Variants in GRAMD2A observed in about 807,000 individuals in gnomAD.
GRAMD2A encodes the protein GRAM domain-containing protein 2A.
GRAMD2A carries 37 observed loss-of-function variants against 51.1 expected under a neutral mutation model. The observed-to-expected ratio is 0.72, with a 90% confidence interval of 0.56 to 0.95. The LOEUF is 0.95. Among genes scored for constraint, GRAMD2A ranks in the 40% least tolerant of loss-of-function variants. The pLI is 0.00. For synonymous variants in GRAMD2A, 136 were observed against 157.1 expected, an observed-to-expected ratio of 0.87 and a Z score of 1.01; for missense variants, 414 against 426.9, an observed-to-expected ratio of 0.97 and a Z score of 0.27.
chr15:72,169,201 G>A, intron 2 of GRAMD2A: 2 of 601,938 alleles, frequency 3.3e-6, no homozygotes, highest in South Asian at 3.8e-5. Context: ...GGGCACTGCG[G>A]GAGGTAGAGA....
chr15:72,171,038 T>C lies in GRAMD2A; in HGVS notation c.42-1099A>G, dbSNP rs907361422. Among the ~76,000 whole-genome samples, 6 of 152,266 alleles carry C rather than the reference T, an allele frequency of 3.9e-5. No homozygotes were observed. In the South Asian group the frequency reaches 1.0e-3, roughly 26 times the overall value. On this transcript the variant is annotated intron_variant, in intron 1 of 11. Transcript: ENST00000309731. Reference sequence around the variant, plus strand: ...CATACCATTGTACAGATTATGAAACTGAGACCTGCCAAGGGACAGGCTGTG... The same window carrying C: ...CATACCATTGTACAGATTATGAAACCGAGACCTGCCAAGGGACAGGCTGTG...
At chr15:72,169,664 C>T in intron 2 of GRAMD2A, 183 bp downstream of exon 2, 2 of 698,292 alleles carry the variant, frequency 2.9e-6, no homozygotes, top group Non-Finnish European at 5.2e-6. Context: ...TCTGCTAGGT[C>T]CCAGTGCACT....
chr15:72,169,592 G>A, intron 2 of GRAMD2A: 1 of 674,788 alleles, frequency 1.5e-6, no homozygotes, highest in Non-Finnish European at 2.7e-6. Context: ...CCTTTGCCTT[G>A]GCCAGGTTGG....
At chr15:72,197,695 A>C in intron 1 of GRAMD2A, 36 bp downstream of exon 1, 1 of 1,276,744 alleles carries the variant, frequency 7.8e-7, no homozygotes, top group Non-Finnish European at 9.9e-7. Context: ...GGCCTCCGGA[A>C]CCCCCGAGAC....
intron 1 of GRAMD2A, among the ~76,000 whole-genome samples, chr15:72,183,647 T>C (rs936978083): frequency 2.6e-5 from 4 of 152,002 alleles, no homozygotes; most frequent in Non-Finnish European, 4.4e-5. Flanking sequence ...CTGGCCAACA[T>C]GGTGAAATCC....
Position 72,169,892 on chromosome 15 carries a change from G to A in GRAMD2A, c.89C>T (p.Ser30Phe). ...AACTCTGTCTGGTTTCTCTTTGCAG[G>A]ACACAGGACTGTTCAGAGAAGCTGT... is the stretch of plus-strand genomic sequence containing the variant. ...RKTASLNSPV[S>F]CKEKPDRVEE... The change falls in exon 2 of 12, where the codon TCC (serine) becomes TTC (phenylalanine). Residue 30 changes from serine (S) to phenylalanine (F), a missense_variant. Transcript: ENST00000309731. 6.2e-7 allele frequency: 1 copy of A among 1,614,196 alleles called. No individual in the cohort carries two copies. Among genetic ancestry groups the A allele is most frequent in the Non-Finnish European group, 8.5e-7 (1 of 1,180,026 alleles).
rs2081588922 is a variant in GRAMD2A at position 72,169,704 on chromosome 15, G to A, written c.134+143C>T. 3 of 713,414 alleles carry A rather than the reference G, an allele frequency of 4.2e-6. No homozygotes were observed. The South Asian group carries it at 4.5e-5, about 11-fold the overall frequency. The allele number at this position is 713,414 out of a possible 1,614,324, so 44.2% of individuals were successfully genotyped here. A position where few individuals can be genotyped will look rare whatever the true frequency, so the allele number is the denominator to read the frequency against. On this transcript the variant is annotated intron_variant, in intron 2 of 11. Transcript: ENST00000309731. The stretch of plus-strand genomic sequence containing the variant: ...CAGTCTTGAGGGGCGGGAGGAAGAA[G>A]CCTGGGGCAGCCTGTGCCTGACCTC...
At chr15:72,168,703 G>T in intron 3 of GRAMD2A, 137 bp from the exon 4 acceptor site, 1 of 786,346 alleles carries the variant, frequency 1.3e-6, no homozygotes. Flanking sequence ...TAAGCAGCCA[G>T]TGAGTATGGA....
At chr15:72,175,112 C>T (rs1393328880) in intron 1 of GRAMD2A, among the ~76,000 whole-genome samples, 2 of 152,046 alleles carry the variant, frequency 1.3e-5, no homozygotes, top group Non-Finnish European at 2.9e-5. Context: ...CCACAGTTAC[C>T]CAGGCCAGAA....
chr15:72,179,195 G>A (rs2081678708), intron 1 of GRAMD2A, among the ~76,000 whole-genome samples: 1 of 152,248 alleles, frequency 6.6e-6, no homozygotes, highest in Non-Finnish European at 1.5e-5. Context: ...GGGGGATGTG[G>A]AGGGCCAGAG....
At chr15:72,168,394 T>C (rs2081571507) in intron 4 of GRAMD2A, 97 bp downstream of exon 4, 2 of 844,008 alleles carry the variant, frequency 2.4e-6, no homozygotes, top group Middle Eastern at 3.2e-4. Context: ...GGACAGCCAG[T>C]TCCCATTTCT....
rs572855119 is a variant in GRAMD2A, at chr15:72,162,398, G to A, written c.957-21C>T. On this transcript the variant is annotated intron_variant, in intron 10 of 11. Coordinates refer to ENST00000309731, the MANE Select transcript of GRAMD2A (RefSeq NM_001012642.3). ...AGATCCTGAAGAAAGCGGCAATACG[G>A]AGTTAAATATTTCTTCCACAGAAAG... The A allele has an allele frequency of 7.2e-6, 11 of 1,536,834 alleles. No homozygotes were observed. The African/African-American group carries it at 1.2e-4, about 17-fold the overall frequency.
intron 1 of GRAMD2A, among the ~76,000 whole-genome samples, chr15:72,187,261 A>G (rs955872040): frequency 6.6e-6 from 1 of 151,976 alleles, no homozygotes; most frequent in Non-Finnish European, 1.5e-5. Context: ...TCATGACTAC[A>G]TCCAGGAGAA....
intron 1 of GRAMD2A, among the ~76,000 whole-genome samples, chr15:72,191,427 T>G (rs2081767077): frequency 6.6e-6 from 1 of 152,164 alleles, no homozygotes; most frequent in Non-Finnish European, 1.5e-5. Flanking sequence ...GGTCTCAAAC[T>G]CCTGACCTCA....
intron 8 of GRAMD2A, 74 bp from the exon 9 acceptor site, chr15:72,163,831 T>C: frequency 6.7e-7 from 1 of 1,482,224 alleles, no homozygotes; most frequent in Non-Finnish European, 9.1e-7. Flanking sequence ...CCACACCAGG[T>C]TTATCAGAGT....
chr15:72,197,597 G>T, intron 1 of GRAMD2A, 134 bp downstream of exon 1: 1 of 662,036 alleles, frequency 1.5e-6, no homozygotes, highest in South Asian at 6.9e-5. Context: ...TCCGGCGGCC[G>T]GGAAGTGCCT....
At position 72,160,236 on chromosome 15, in the gene GRAMD2A, C is replaced by CTCTG. The variant is rs1348280834; in HGVS notation, c.*1769_*1772dup. The CTCTG allele has an allele frequency of 6.6e-6, 1 of 150,844 alleles. No homozygotes were observed. Among genetic ancestry groups the CTCTG allele is most frequent in the Non-Finnish European group, 1.5e-5 (1 of 67,950 alleles). The allele number at this position is 150,844 out of a possible 1,614,324, so 9.3% of individuals were successfully genotyped here. A position where few individuals can be genotyped will look rare whatever the true frequency, so the allele number is the denominator to read the frequency against. ...CAAGGCTCAGAGAATGGATTTTTAT[C>CTCTG]TCTGTCTTTCAGCAAGGACCAGGGA... On this transcript the variant is annotated 3_prime_UTR_variant, in exon 12 of 12. Coordinates refer to ENST00000309731, the MANE Select transcript of GRAMD2A (RefSeq NM_001012642.3).
At chr15:72,167,193 T>G (rs1002343419) in intron 5 of GRAMD2A, 101 bp from the exon 6 acceptor site, 4 of 830,774 alleles carry the variant, frequency 4.8e-6, no homozygotes, top group African/African-American at 1.7e-5. Context: ...ATGGCCACCA[T>G]GGGGAAGCCT....
chr15:72,185,305 T>C (rs2140558274), intron 1 of GRAMD2A, among the ~76,000 whole-genome samples: 1 of 151,462 alleles, frequency 6.6e-6, no homozygotes, highest in South Asian at 2.1e-4. Context: ...GCAATTCTCC[T>C]GCCTCAGCCT....
Sources: allele counts gnomAD v4.1 joint callset (sites outside exome capture counted in the v4.1 genomes callset), GRCh38; gene constraint gnomAD v4.1.1; transcripts MANE v1.5; gene names NCBI Gene and HGNC (gene_info 2026-07-23, HGNC 2026-07-21).